The following WDR49 variants were observed in gnomAD, a reference collection of about 807,000 sequenced individuals.
WDR49 encodes cilia- and flagella-associated protein 337.
A neutral mutation model predicts 119.5 loss-of-function variants in WDR49; 107 were observed. That is an observed-to-expected ratio of 0.90 (90% CI 0.77 to 1.05). The LOEUF (loss-of-function observed/expected upper bound fraction) is 1.05, where lower values mean the gene tolerates loss of function less well. WDR49 is among the 50% of genes least tolerant of loss of function. The pLI is 0.00. For synonymous variants in WDR49, 425 were observed against 418.8 expected (o/e 1.01, Z -0.18); for missense variants, 1,240 against 1,220.5 (o/e 1.02, Z -0.24).
At position 167,653,297 on chromosome 3, in the gene WDR49, G is replaced by A. The variant is rs747734079; in HGVS notation, c.129C>T (p.Ser43=). The change falls in exon 2 of 19, where the codon AGC becomes AGT. Residue 43 remains serine, a synonymous_variant. Coordinates refer to ENST00000682715, the MANE Select transcript of WDR49 (RefSeq NM_001366157.1). ...YGTGLLENQL[S]VGDFVKIQKA... ...TCTGTATTTTTACAAAGTCACCCAC[G>A]CTGAGTTGGTTTTCAAGCAGGCCTG... The A allele has an allele frequency of 5.2e-6, 8 of 1,535,918 alleles. No homozygotes were observed. In the African/African-American group the frequency reaches 5.5e-5, roughly 11 times the overall value.
rs771096463 is a variant in WDR49, at chr3:167,602,118, GTTAC to G, written c.1275+5_1275+8del. ...AAACTAAATTAATTAAAAGCACAATGTTACTTACTTTATCCTTGGAGAAGCTGAA... is the reference window on the plus strand; with the variant it reads ...AAACTAAATTAATTAAAAGCACAATGTTACTTTATCCTTGGAGAAGCTGAA... On this transcript the variant is annotated splice_donor_5th_base_variant and intron_variant, in intron 7 of 18. Coordinates refer to ENST00000682715, the MANE Select transcript of WDR49 (RefSeq NM_001366157.1). The G allele has an allele frequency of 2.1e-5, 33 of 1,579,592 alleles. No homozygotes were observed. Among genetic ancestry groups the G allele is most frequent in the Non-Finnish European group, 2.8e-5 (32 of 1,155,202 alleles).
intron 16 of WDR49, among the ~76,000 whole-genome samples, chr3:167,507,212 C>A (rs1751803741): frequency 6.6e-6 from 1 of 152,032 alleles, no homozygotes; most frequent in African/African-American, 2.4e-5. Flanking sequence ...AGAGTATTAA[C>A]ATAAATTACT....
At position 167,478,804 on chromosome 3, in the gene WDR49, A is replaced by G; in HGVS notation, c.*74T>C. On this transcript the variant is annotated 3_prime_UTR_variant, in exon 19 of 19. Coordinates refer to ENST00000682715, the MANE Select transcript of WDR49 (RefSeq NM_001366157.1). ...AAGTTTAAATATAAAATAAAATAAAAGGCAGAATTCTTGATGCTTTTTCTG... is the reference window on the plus strand; with the variant it reads ...AAGTTTAAATATAAAATAAAATAAAGGGCAGAATTCTTGATGCTTTTTCTG... The G allele has an allele frequency of 9.6e-7, 1 of 1,037,860 alleles. No individual in the cohort carries two copies. Among genetic ancestry groups the G allele is most frequent in the Non-Finnish European group, 1.4e-6 (1 of 713,736 alleles). The allele number at this position is 1,037,860 out of a possible 1,614,324, so 64.3% of individuals were successfully genotyped here.
At chr3:167,544,858 T>C (rs540698416) in intron 10 of WDR49, among the ~76,000 whole-genome samples, 16 of 152,138 alleles carry the variant, frequency 1.1e-4, no homozygotes, top group Middle Eastern at 3.4e-3. Context: ...CTAATTAAAC[T>C]AAGCAGCTTC....
chr3:167,505,387 T>C lies in WDR49; in HGVS notation c.2804A>G (p.Asp935Gly), dbSNP rs1461596986. The part of the protein sequence containing the change: ...NVRPSEDINL[D>G]IKYKERSTCM... ...GGTACTTCTTTCCTTATATTTTATA[T>C]CTAAATTTATATCTTCTGATGGTCT... Residue 935 changes from aspartate (D) to glycine (G), a missense_variant, in exon 17 of 19, where the codon GAT (aspartate) becomes GGT (glycine). Transcript: ENST00000682715. The C allele has an allele frequency of 3.3e-6, 5 of 1,527,286 alleles. No individual in the cohort carries two copies. The highest frequency in any genetic ancestry group is 4.4e-6 in the Non-Finnish European group (5 of 1,146,404). 94.6% of individuals were successfully genotyped at this position (1,527,286 alleles called of 1,614,324 possible).
At chr3:167,530,135 T>G (rs1752793318) in intron 13 of WDR49, among the ~76,000 whole-genome samples, 2 of 152,112 alleles carry the variant, frequency 1.3e-5, no homozygotes, top group African/African-American at 4.8e-5. Flanking sequence ...GTTTCAAAGT[T>G]TATTCTAAAC....
intron 7 of WDR49, among the ~76,000 whole-genome samples, chr3:167,594,515 T>C (rs2108298697): frequency 6.6e-6 from 1 of 152,304 alleles, no homozygotes; most frequent in Admixed American, 6.5e-5. Flanking sequence ...GTGACCTGGC[T>C]TTTTCTGAAA....
chr3:167,540,888 A>G (rs1182676396), intron 10 of WDR49, among the ~76,000 whole-genome samples: 1 of 152,146 alleles, frequency 6.6e-6, no homozygotes, highest in African/African-American at 2.4e-5. Flanking sequence ...TGAAAGACAC[A>G]CTTAAAGATA....
At chr3:167,514,359 GGTAA>G (rs1387609643) in intron 16 of WDR49, among the ~76,000 whole-genome samples, 1 of 151,590 alleles carries the variant, frequency 6.6e-6, no homozygotes, top group Non-Finnish European at 1.5e-5. Flanking sequence ...ATGACTCCTG[GGTAA>G]GTAATGAAAT....
intron 2 of WDR49, chr3:167,633,383 G>A: frequency 2.2e-6 from 1 of 453,016 alleles, no homozygotes; most frequent in Non-Finnish European, 4.4e-6. Flanking sequence ...GCTGTCCTAA[G>A]TGAGCCTGGT....
chr3:167,574,188 T>C (rs529078766), intron 8 of WDR49, among the ~76,000 whole-genome samples: 2 of 152,210 alleles, frequency 1.3e-5, no homozygotes, highest in Non-Finnish European at 2.9e-5. Context: ...GACCCAGATT[T>C]TCCCTTAAAG....
In WDR49 at chr3:167,536,931, A is replaced by G. The variant is rs1753059393; in HGVS notation, c.1893T>C (p.Gly631=). 6.3e-7 allele frequency: 1 copy of G among 1,589,056 alleles called. No individual in the cohort carries two copies. The highest frequency in any genetic ancestry group is 1.4e-5 in the African/African-American group (1 of 73,462). ...ACAAGATGTCATCATGGTGCTGTAT[A>G]CCTCCTTTCCATTCTTCAGGCTGGA... The part of the protein sequence containing the change: ...FFIQPEEWKG[G]IQHHDDILCA... The change falls in exon 11 of 19, where the codon GGT becomes GGC. Residue 631 remains glycine (G), a synonymous_variant. Transcript: ENST00000682715.
At chr3:167,566,983 G>A in intron 8 of WDR49, 1 of 553,098 alleles carries the variant, frequency 1.8e-6, no homozygotes, top group Non-Finnish European at 3.2e-6. Context: ...GAGGCAGGAG[G>A]TCAGGAGAGG....
At chr3:167,640,874 C>A (rs1043710336) in intron 2 of WDR49, among the ~76,000 whole-genome samples, 1 of 151,632 alleles carries the variant, frequency 6.6e-6, no homozygotes, top group Non-Finnish European at 1.5e-5. Context: ...CGAGAAAACC[C>A]CACAGGCAAT....
At chr3:167,608,312 A>G (rs534342835) in intron 5 of WDR49, among the ~76,000 whole-genome samples, 21 of 152,346 alleles carry the variant, frequency 1.4e-4, no homozygotes, top group Admixed American at 3.9e-4. Context: ...TAATTACAAT[A>G]CAATCAAAAT....
At chr3:167,633,609 G>C (rs1717476309) in intron 2 of WDR49, 1 of 399,228 alleles carries the variant, frequency 2.5e-6, no homozygotes, top group African/African-American at 2.1e-5. Flanking sequence ...CTTGCGTATA[G>C]CATCATTTAG....
intron 3 of WDR49, among the ~76,000 whole-genome samples, chr3:167,623,212 A>G (rs891920626): frequency 6.6e-6 from 1 of 152,106 alleles, no homozygotes; most frequent in Admixed American, 6.6e-5. Flanking sequence ...CAATACTGAA[A>G]CCAGACAAAG....
At chr3:167,587,081 T>C (rs1043789428) in intron 7 of WDR49, among the ~76,000 whole-genome samples, 1 of 152,170 alleles carries the variant, frequency 6.6e-6, no homozygotes, top group Non-Finnish European at 1.5e-5. Flanking sequence ...ATTTAGTTGA[T>C]AGTTATACTG....
At chr3:167,522,621 C>T (rs941796342) in intron 15 of WDR49, 137 bp from the exon 16 acceptor site, 9 of 756,886 alleles carry the variant, frequency 1.2e-5, no homozygotes, top group South Asian at 7.0e-5. Context: ...GATATGACTC[C>T]GGTCCACAAG....
Sources: allele counts gnomAD v4.1 joint callset (sites outside exome capture counted in the v4.1 genomes callset), GRCh38; gene constraint gnomAD v4.1.1; transcripts MANE v1.5; gene names NCBI Gene and HGNC (gene_info 2026-07-23, HGNC 2026-07-21).